IL19: variants seen among roughly 807,000 people sequenced by gnomAD.
The protein encoded by IL19 is interleukin-19.
Under a neutral mutation model 19.5 loss-of-function variants are expected in IL19, and 15 were observed. The observed-to-expected ratio is 0.77, with a 90% CI of 0.52 to 1.19. The LOEUF (loss-of-function observed/expected upper bound fraction) is 1.19. Among genes scored for constraint, IL19 ranks in the 50% most tolerant of loss-of-function variants. The pLI is 0.00. For missense variants in IL19, 199 were observed against 213.1 expected (o/e 0.93, Z 0.41); for synonymous variants, 78 against 78.3 (o/e 1.00, Z 0.02).
intron 1 of IL19, chr1:206,771,374 G>T: frequency 1.2e-6 from 2 of 1,613,826 alleles, no homozygotes; most frequent in Non-Finnish European, 1.7e-6. Flanking sequence ...CCTCCAGCAA[G>T]GACTCCTTTA....
intron 1 of IL19, among the ~76,000 whole-genome samples, chr1:206,785,571 A>G (rs1246451901): frequency 6.6e-6 from 1 of 152,222 alleles, no homozygotes; most frequent in Non-Finnish European, 1.5e-5. Context: ...GCAGAAGGTT[A>G]GCATTTCAAT....
At chr1:206,832,556 A>T (rs1452331117) in intron 2 of IL19, among the ~76,000 whole-genome samples, 1 of 152,202 alleles carries the variant, frequency 6.6e-6, no homozygotes, top group Non-Finnish European at 1.5e-5. Context: ...GATATAGCTG[A>T]TTAATCATTA....
intron 1 of IL19, among the ~76,000 whole-genome samples, chr1:206,777,464 G>T (rs146889017): frequency 6.6e-6 from 1 of 151,904 alleles, no homozygotes; most frequent in African/African-American, 2.4e-5. Context: ...AAGCAAAATG[G>T]CAGCCTTCTT....
At chr1:206,772,334 T>C (rs1674876626) in intron 1 of IL19, 1 of 1,614,094 alleles carries the variant, frequency 6.2e-7, no homozygotes, top group South Asian at 1.1e-5. Flanking sequence ...GCAGGTTGCC[T>C]GGGAAGTGGG....
intron 1 of IL19, among the ~76,000 whole-genome samples, chr1:206,787,233 C>G (rs1675288667): frequency 6.6e-6 from 1 of 152,220 alleles, no homozygotes; most frequent in Non-Finnish European, 1.5e-5. Context: ...AGCACTGCCT[C>G]TTCCATGAGC....
At chr1:206,821,392 A>T (rs1482609598) in intron 2 of IL19, among the ~76,000 whole-genome samples, 4 of 152,216 alleles carry the variant, frequency 2.6e-5, no homozygotes, top group African/African-American at 9.7e-5. Context: ...CCATATAAGC[A>T]TTTGTTGTTG....
intron 2 of IL19, among the ~76,000 whole-genome samples, chr1:206,825,795 G>C (rs190961023): frequency 1.3e-5 from 2 of 152,226 alleles, no homozygotes; most frequent in Non-Finnish European, 2.9e-5. Flanking sequence ...AGAACTGCAC[G>C]ATTGTCCCTG....
chr1:206,834,561 G>A (rs1676720290), intron 2 of IL19, among the ~76,000 whole-genome samples: 1 of 152,194 alleles, frequency 6.6e-6, no homozygotes, highest in African/African-American at 2.4e-5. Flanking sequence ...TATAGAAAAG[G>A]TGAATTTTCT....
intron 4 of IL19, 124 bp downstream of exon 4, chr1:206,837,147 C>G (rs1676824253): frequency 1.3e-6 from 1 of 758,002 alleles, no homozygotes; most frequent in Non-Finnish European, 2.2e-6. Context: ...CTAAATGCAC[C>G]AGGCTTCTTT....
chr1:206,810,500 A>T (rs1462314601), intron 2 of IL19, among the ~76,000 whole-genome samples: 1 of 152,210 alleles, frequency 6.6e-6, no homozygotes, highest in Non-Finnish European at 1.5e-5. Context: ...TCCTTTCATA[A>T]AGACATTAAG....
intron 2 of IL19, among the ~76,000 whole-genome samples, chr1:206,801,729 A>C (rs985902667): frequency 2.0e-5 from 3 of 152,172 alleles, no homozygotes; most frequent in Non-Finnish European, 4.4e-5. Context: ...ATCTGTTCTT[A>C]TGTTCATATT....
At chr1:206,778,833 T>C (rs1675067854) in intron 1 of IL19, among the ~76,000 whole-genome samples, 2 of 152,228 alleles carry the variant, frequency 1.3e-5, no homozygotes, top group Admixed American at 1.3e-4. Context: ...TGCCAATCTA[T>C]GTTCAATCTA....
Position 206,842,835 on chromosome 1 carries a change from G to A in IL19, c.*213G>A, listed in dbSNP as rs1049777693. On this transcript the variant is annotated 3_prime_UTR_variant, in exon 7 of 7. Coordinates refer to ENST00000659997, the MANE Select transcript of IL19 (RefSeq NM_153758.5). ...ACTCTATCTGCTGAAAGGGCCTGCAGGCCATCCTGGGAGTAAAGGGCTGCC... is the reference window on the plus strand; with the variant it reads ...ACTCTATCTGCTGAAAGGGCCTGCAAGCCATCCTGGGAGTAAAGGGCTGCC... 1 of 472,822 alleles carries A rather than the reference G, an allele frequency of 2.1e-6. No individual in the cohort carries two copies. The highest frequency in any genetic ancestry group is 2.0e-5 in the African/African-American group (1 of 51,264). 29.3% of individuals were successfully genotyped at this position (472,822 alleles called of 1,614,324 possible).
intron 2 of IL19, among the ~76,000 whole-genome samples, chr1:206,823,281 T>C (rs910592933): frequency 2.0e-5 from 3 of 152,004 alleles, no homozygotes; most frequent in Middle Eastern, 3.4e-3. Context: ...TGGCTGGGTG[T>C]GGTGGCTCAC....
intron 2 of IL19, among the ~76,000 whole-genome samples, chr1:206,822,523 A>G (rs1676313964): frequency 6.6e-6 from 1 of 152,180 alleles, no homozygotes; most frequent in Admixed American, 6.5e-5. Context: ...CCTCACTTAC[A>G]AGCTCGACAA....
intron 1 of IL19, chr1:206,772,126 G>C: frequency 1.3e-6 from 1 of 763,456 alleles, no homozygotes; most frequent in East Asian, 2.7e-5. Context: ...GCTTGATCTA[G>C]GATTCTCTTA....
intron 1 of IL19, among the ~76,000 whole-genome samples, chr1:206,772,949 C>G (rs1462530429): frequency 6.6e-6 from 1 of 152,174 alleles, no homozygotes; most frequent in African/African-American, 2.4e-5. Context: ...AGGCAGTCAC[C>G]TTAGGTCTCT....
intron 2 of IL19, among the ~76,000 whole-genome samples, chr1:206,815,385 T>G (rs961257647): frequency 6.6e-6 from 1 of 152,208 alleles, no homozygotes; most frequent in Non-Finnish European, 1.5e-5. Context: ...TACCATGTTT[T>G]AAGATGGCCA....
In IL19 at chr1:206,836,676, G is replaced by A. The variant is rs969844901; in HGVS notation, c.14G>A (p.Cys5Tyr). 4.3e-6 allele frequency: 7 copies of A among 1,610,720 alleles called. No individual in the cohort carries two copies. In the African/African-American group the frequency reaches 5.4e-5, roughly 12 times the overall value. Reference protein sequence around the residue: MKLQCVSLWLLGTIL... With the variant: MKLQYVSLWLLGTIL... ...CTTTCTGCAGGCATGAAGTTACAGTGTGTTTCCCTTTGGCTCCTGGGTACA... is the reference window on the plus strand; with the variant it reads ...CTTTCTGCAGGCATGAAGTTACAGTATGTTTCCCTTTGGCTCCTGGGTACA... The change falls in exon 3 of 7, where the codon TGT becomes TAT. Residue 5 changes from cysteine to tyrosine, a missense_variant. Coordinates refer to ENST00000659997, the MANE Select transcript of IL19 (RefSeq NM_153758.5).
Sources: allele counts gnomAD v4.1 joint callset (sites outside exome capture counted in the v4.1 genomes callset), GRCh38; gene constraint gnomAD v4.1.1; transcripts MANE v1.5; gene names NCBI Gene and HGNC (gene_info 2026-07-23, HGNC 2026-07-21).